The following LMBR1 variants were observed in gnomAD, a reference collection of about 807,000 sequenced individuals.
The protein encoded by LMBR1 is limb development membrane protein 1.
LMBR1 carries 52 observed loss-of-function variants against 73.9 expected under a neutral mutation model. The ratio of observed to expected loss-of-function variants is 0.70; its 90% CI spans 0.56 to 0.89. LMBR1 has a LOEUF of 0.89. LMBR1 is among the 40% of genes least tolerant of loss of function. LMBR1 has a pLI of 0.00. For synonymous variants in LMBR1, 215 were observed against 209.4 expected (o/e 1.03, Z -0.23); for missense variants, 539 against 579.8 (o/e 0.93, Z 0.72).
rs1346633595 is a variant in LMBR1, at chr7:156,681,609, C to T, written c.*2469G>A. ...CCAAGAAACTCTGGAACCATAGTGC[C>T]TAATGCCCTTTAAAATCGATACTAA... is the stretch of plus-strand genomic sequence containing the variant. On this transcript the variant is annotated 3_prime_UTR_variant, in exon 17 of 17. Coordinates refer to ENST00000353442, the MANE Select transcript of LMBR1 (RefSeq NM_022458.4). 1.3e-5 allele frequency: 2 copies of T among 153,018 alleles called. No homozygotes were observed. The highest frequency in any genetic ancestry group is 1.3e-4 in the Admixed American group (2 of 15,298). The allele number at this position is 153,018 out of a possible 1,614,324, so 9.5% of individuals were successfully genotyped here.
chr7:156,672,589 G>C (rs1368876443), intron 4 of LMBR1, among the ~76,000 whole-genome samples: 1 of 152,222 alleles, frequency 6.6e-6, no homozygotes, highest in Non-Finnish European at 1.5e-5. Flanking sequence ...TTTATCTTGA[G>C]CTAAGTAACT....
In LMBR1 at chr7:156,893,125, G is replaced by A. The variant is rs1309115173; in HGVS notation, c.-132C>T. ...CGGGCCCGCGAGCCGTGTTGGAACAGGTACCGCGACCACGACACCGGCCGT... is the reference window on the plus strand; with the variant it reads ...CGGGCCCGCGAGCCGTGTTGGAACAAGTACCGCGACCACGACACCGGCCGT... On this transcript the variant is annotated 5_prime_UTR_variant, in exon 1 of 17. Coordinates refer to ENST00000353442, the MANE Select transcript of LMBR1 (RefSeq NM_022458.4). 9 of 879,788 alleles carry A rather than the reference G, an allele frequency of 1.0e-5. No individual in the cohort carries two copies. Among genetic ancestry groups the A allele is most frequent in the African/African-American group, 3.6e-5 (2 of 56,260 alleles). The allele number at this position is 879,788 out of a possible 1,614,324, so 54.5% of individuals were successfully genotyped here.
intron 4 of LMBR1, among the ~76,000 whole-genome samples, chr7:156,818,197 G>A (rs1165049385): frequency 6.6e-6 from 1 of 151,998 alleles, no homozygotes; most frequent in African/African-American, 2.4e-5. Flanking sequence ...CTGGTTTTTT[G>A]GATCTTCTAT....
intron 1 of LMBR1, among the ~76,000 whole-genome samples, chr7:156,872,881 G>A (rs12673608): frequency 1.3e-5 from 2 of 151,866 alleles, no homozygotes; most frequent in Admixed American, 6.6e-5. Flanking sequence ...ACCGAAAGAC[G>A]CTCTGAAAGA....
chr7:156,676,660 A>G (rs773769298), downstream of LMBR1: 4 of 1,608,796 alleles, frequency 2.5e-6, no homozygotes, highest in East Asian at 6.7e-5. Flanking sequence ...TGTTGAATTC[A>G]TAGTCAAGGA....
chr7:156,880,440 C>A (rs143014915), intron 1 of LMBR1, among the ~76,000 whole-genome samples: 104 of 151,934 alleles, frequency 6.8e-4, no homozygotes, highest in African/African-American at 2.4e-3. Flanking sequence ...TCACAAGTCA[C>A]CACTAAAGAA....
downstream of LMBR1, among the ~76,000 whole-genome samples, chr7:156,673,710 T>G (rs1171111761): frequency 6.6e-6 from 1 of 152,060 alleles, no homozygotes; most frequent in Non-Finnish European, 1.5e-5. Flanking sequence ...CTCTCATCCT[T>G]AAAGCCAATA....
intron 1 of LMBR1, among the ~76,000 whole-genome samples, chr7:156,861,816 G>A (rs1172538107): frequency 6.6e-6 from 1 of 152,126 alleles, no homozygotes; most frequent in East Asian, 1.9e-4. Context: ...AGTCACCTTT[G>A]CTCCACTTCC....
intron 1 of LMBR1, among the ~76,000 whole-genome samples, chr7:156,845,528 C>T (rs918430376): frequency 2.0e-5 from 3 of 151,944 alleles, no homozygotes; most frequent in Middle Eastern, 6.8e-3. Flanking sequence ...ACGGGAAAAA[C>T]TATTAAAAGA....
downstream of LMBR1, among the ~76,000 whole-genome samples, chr7:156,673,198 C>G (rs1354327097): frequency 2.6e-5 from 4 of 152,194 alleles, no homozygotes; most frequent in Non-Finnish European, 2.9e-5. Context: ...AAGGTCTGGA[C>G]TAGAATGTGA....
At chr7:156,833,847 T>C in intron 2 of LMBR1, 55 bp from the exon 3 acceptor site, 9 of 1,123,894 alleles carry the variant, frequency 8.0e-6, no homozygotes, top group Non-Finnish European at 1.2e-5. Flanking sequence ...AAATGCGTCA[T>C]TAATTTATTA....
intron 1 of LMBR1, among the ~76,000 whole-genome samples, chr7:156,881,974 G>C (rs530235610): frequency 1.7e-4 from 26 of 152,254 alleles, no homozygotes; most frequent in African/African-American, 5.1e-4. Flanking sequence ...TCCCTTCTGA[G>C]TATTTATCCT....
At chr7:156,708,747 C>A (rs1170061348) in intron 15 of LMBR1, among the ~76,000 whole-genome samples, 1 of 152,142 alleles carries the variant, frequency 6.6e-6, no homozygotes, top group Admixed American at 6.5e-5. Flanking sequence ...ACAGTGTGGG[C>A]AGATGGGGAA....
At chr7:156,705,799 A>G (rs1314611566) in intron 15 of LMBR1, among the ~76,000 whole-genome samples, 6 of 152,220 alleles carry the variant, frequency 3.9e-5, no homozygotes, top group Non-Finnish European at 7.3e-5. Context: ...CAAAGGAGAA[A>G]GAGAAGGGAA....
At chr7:156,767,812 A>T (rs962510942) in intron 5 of LMBR1, among the ~76,000 whole-genome samples, 1 of 152,130 alleles carries the variant, frequency 6.6e-6, no homozygotes, top group African/African-American at 2.4e-5. Context: ...TATGCAAATT[A>T]GGTCAAAAAA....
chr7:156,715,083 C>T lies in LMBR1; in HGVS notation c.1225+9029G>A, dbSNP rs1426325732. Reference sequence around the variant, plus strand: ...TCTCCTGCCTCATCCTTCCAAGTAGCTGGGATTACAGGCGCACGCTACCAC... The same window carrying T: ...TCTCCTGCCTCATCCTTCCAAGTAGTTGGGATTACAGGCGCACGCTACCAC... On this transcript the variant is annotated intron_variant, in intron 15 of 16. Transcript: ENST00000353442. Among the ~76,000 whole-genome samples the T allele has an allele frequency of 9.2e-5, 14 of 151,780 alleles. No individual in the cohort carries two copies. The East Asian group carries it at 2.7e-3, about 30-fold the overall frequency.
intron 5 of LMBR1, among the ~76,000 whole-genome samples, chr7:156,779,367 T>G (rs948102691): frequency 6.6e-6 from 1 of 152,238 alleles, no homozygotes; most frequent in Non-Finnish European, 1.5e-5. Context: ...TTTCTGCCAA[T>G]GAAACATGAG....
intron 15 of LMBR1, among the ~76,000 whole-genome samples, chr7:156,703,749 G>A (rs1810303798): frequency 6.6e-6 from 1 of 152,022 alleles, no homozygotes; most frequent in Non-Finnish European, 1.5e-5. Context: ...GAGTACAATT[G>A]CCCAGTCCAG....
chr7:156,890,993 C>A (rs1460990389), intron 1 of LMBR1, among the ~76,000 whole-genome samples: 1 of 151,672 alleles, frequency 6.6e-6, no homozygotes, highest in Admixed American at 6.6e-5. Flanking sequence ...GAGTTCAAGG[C>A]CAGCCTGGCC....
Sources: allele counts gnomAD v4.1 joint callset (sites outside exome capture counted in the v4.1 genomes callset), GRCh38; gene constraint gnomAD v4.1.1; transcripts MANE v1.5; gene names NCBI Gene and HGNC (gene_info 2026-07-23, HGNC 2026-07-21).